EPB41L4A: variants seen among roughly 807,000 people sequenced by gnomAD.
The protein encoded by EPB41L4A is erythrocyte membrane protein band 4.1 like 4A.
Under a neutral mutation model 108.6 loss-of-function variants are expected in EPB41L4A, and 100 were observed. That is an observed-to-expected ratio of 0.92 (90% CI 0.78 to 1.09). The LOEUF is 1.09. EPB41L4A is among the 50% of genes least tolerant of loss of function. EPB41L4A has a pLI of 0.00. For missense variants in EPB41L4A, 1,030 were observed against 842.7 expected, an observed-to-expected ratio of 1.22 and a Z score of -2.75; for synonymous variants, 319 against 289.0, an observed-to-expected ratio of 1.10 and a Z score of -1.05.
chr5:112,389,575 T>C (rs1295396139), intron 1 of EPB41L4A, among the ~76,000 whole-genome samples: 1 of 152,240 alleles, frequency 6.6e-6, no homozygotes, highest in East Asian at 1.9e-4. Flanking sequence ...ATTTTTTCTA[T>C]TATACTATCT....
At chr5:112,403,130 T>C (rs1224122787) in intron 1 of EPB41L4A, among the ~76,000 whole-genome samples, 1 of 152,010 alleles carries the variant, frequency 6.6e-6, no homozygotes, top group Non-Finnish European at 1.5e-5. Context: ...ATCTGTGCCA[T>C]AAGGGGATTG....
chr5:112,412,351 A>T lies in EPB41L4A; in HGVS notation c.99+6590T>A, dbSNP rs140950084. On this transcript the variant is annotated intron_variant, in intron 1 of 22. Transcript: ENST00000261486. ...ACAGCCTCCGAAGGAACTATTCCAG[A>T]CCTTGATGAATCTCTTTGCAAGAGT... Among the ~76,000 whole-genome samples the T allele has an allele frequency of 3.1e-3, 468 of 152,312 alleles. 2 individuals are homozygous for T. Among genetic ancestry groups the T allele is most frequent in the African/African-American group, 0.011 (447 of 41,570 alleles).
chr5:112,318,257 A>G (rs1444831078), intron 1 of EPB41L4A, among the ~76,000 whole-genome samples: 1 of 152,216 alleles, frequency 6.6e-6, no homozygotes, highest in Non-Finnish European at 1.5e-5. Flanking sequence ...ACCAAAAGAA[A>G]AAAACAAAGC....
At chr5:112,301,114 G>A (rs1210794333) in intron 2 of EPB41L4A, among the ~76,000 whole-genome samples, 2 of 151,524 alleles carry the variant, frequency 1.3e-5, no homozygotes, top group Admixed American at 6.6e-5. Flanking sequence ...TCCTTAATTG[G>A]TTTAATAATC....
intron 1 of EPB41L4A, among the ~76,000 whole-genome samples, chr5:112,349,652 G>T (rs535664884): frequency 1.6e-4 from 24 of 152,312 alleles, no homozygotes; most frequent in African/African-American, 5.8e-4. Context: ...GAATGTAAAT[G>T]GATTCACATT....
At position 112,419,176 on chromosome 5, in the gene EPB41L4A, G is replaced by C; in HGVS notation, c.-137C>G. 6.7e-6 allele frequency: 4 copies of C among 592,920 alleles called. No homozygotes were observed. The highest frequency in any genetic ancestry group is 3.4e-5 in the East Asian group (1 of 29,676). 36.7% of individuals were successfully genotyped at this position (592,920 alleles called of 1,614,324 possible). ...AGACGAGCAGCTCCCGGCGGGGTCC[G>C]GGGACCGGCCGCCGAACCGCCCGGC... On this transcript the variant is annotated 5_prime_UTR_variant, in exon 1 of 23. Coordinates refer to ENST00000261486, the MANE Select transcript of EPB41L4A (RefSeq NM_022140.5).
intron 12 of EPB41L4A, among the ~76,000 whole-genome samples, chr5:112,215,399 A>G (rs921149007): frequency 5.9e-5 from 9 of 152,264 alleles, no homozygotes; most frequent in Non-Finnish European, 8.8e-5. Flanking sequence ...AAAAATAATA[A>G]TAACTCTAGT....
chr5:112,344,638 T>C (rs1462880122), intron 1 of EPB41L4A, among the ~76,000 whole-genome samples: 1 of 152,220 alleles, frequency 6.6e-6, no homozygotes, highest in African/African-American at 2.4e-5. Flanking sequence ...ATTCAATCCA[T>C]TACAAGGCCT....
intron 17 of EPB41L4A, among the ~76,000 whole-genome samples, chr5:112,186,696 G>A (rs1200779908): frequency 1.3e-5 from 2 of 152,188 alleles, no homozygotes; most frequent in Non-Finnish European, 2.9e-5. Flanking sequence ...TGGGTAGTGT[G>A]GCGGCCTTGG....
At chr5:112,307,594 A>T in intron 1 of EPB41L4A, 104 bp from the exon 2 acceptor site, 1 of 688,988 alleles carries the variant, frequency 1.5e-6, no homozygotes, top group Non-Finnish European at 2.5e-6. Flanking sequence ...CAATAGCAGC[A>T]ATTGTATCAG....
chr5:112,338,345 C>T (rs995624367), intron 1 of EPB41L4A, among the ~76,000 whole-genome samples: 1 of 152,122 alleles, frequency 6.6e-6, no homozygotes, highest in Non-Finnish European at 1.5e-5. Context: ...TTCTCCCTGT[C>T]TGCTGGTGAC....
intron 1 of EPB41L4A, among the ~76,000 whole-genome samples, chr5:112,348,770 T>A (rs1757849266): frequency 6.6e-6 from 1 of 152,218 alleles, no homozygotes; most frequent in Non-Finnish European, 1.5e-5. Context: ...ATCAAAACTG[T>A]GTTTCAAGGA....
intron 1 of EPB41L4A, among the ~76,000 whole-genome samples, chr5:112,323,625 C>T (rs138985923): frequency 2.8e-4 from 43 of 152,288 alleles, no homozygotes; most frequent in Non-Finnish European, 4.9e-4. Flanking sequence ...TATGTCCCTG[C>T]GTTGAACAAC....
In EPB41L4A at chr5:112,274,632, G is replaced by A. The variant is rs183222568; in HGVS notation, c.335+694C>T. The stretch of plus-strand genomic sequence containing the variant: ...TTCACTGGGAAAACTGACCACCTAC[G>A]GTTAAGTTAGGGAATATACTTTTGT... On this transcript the variant is annotated intron_variant, in intron 4 of 22. Transcript: ENST00000261486. 7.2e-3 allele frequency among the ~76,000 whole-genome samples: 1,095 copies of A among 152,222 alleles called. 9 individuals are homozygous for A. Among genetic ancestry groups the A allele is most frequent in the Non-Finnish European group, 9.0e-3 (611 of 68,008 alleles).
At chr5:112,400,865 G>A (rs566179874) in intron 1 of EPB41L4A, among the ~76,000 whole-genome samples, 42 of 147,700 alleles carry the variant, frequency 2.8e-4, no homozygotes, top group African/African-American at 1.1e-3. Flanking sequence ...ATCACATGGA[G>A]ACACAAAATA....
chr5:112,159,961 G>A (rs1759792764), downstream of EPB41L4A, among the ~76,000 whole-genome samples: 1 of 149,236 alleles, frequency 6.7e-6, no homozygotes, highest in Non-Finnish European at 1.5e-5. Flanking sequence ...GAGTCAAGTG[G>A]CATGATCTCG....
intron 4 of EPB41L4A, among the ~76,000 whole-genome samples, chr5:112,272,389 C>G (rs1752323657): frequency 6.6e-6 from 1 of 151,882 alleles, no homozygotes; most frequent in Admixed American, 6.6e-5. Context: ...GATCTGCCCG[C>G]CTTGGCCTCC....
intron 12 of EPB41L4A, among the ~76,000 whole-genome samples, chr5:112,156,277 A>G (rs1218773037): frequency 6.6e-6 from 1 of 152,222 alleles, no homozygotes; most frequent in Non-Finnish European, 1.5e-5. Flanking sequence ...CACACCATAC[A>G]CACATGCTGA....
chr5:112,228,706 G>A, intron 12 of EPB41L4A: 1 of 985,370 alleles, frequency 1.0e-6, no homozygotes, highest in Non-Finnish European at 1.2e-6. Context: ...GAATCCAACT[G>A]TGTGAGTTGC....
Sources: allele counts gnomAD v4.1 joint callset (sites outside exome capture counted in the v4.1 genomes callset), GRCh38; gene constraint gnomAD v4.1.1; transcripts MANE v1.5; gene names NCBI Gene and HGNC (gene_info 2026-07-23, HGNC 2026-07-21).